DLGAP1: variants seen among roughly 807,000 people sequenced by gnomAD.
DLGAP1 encodes the protein DLG associated protein 1.
Under a neutral mutation model 90.8 loss-of-function variants are expected in DLGAP1, and 11 were observed. That is an observed-to-expected ratio of 0.12 (90% CI 0.08 to 0.20). DLGAP1 has a LOEUF of 0.20. DLGAP1 is among the 10% of genes least tolerant of loss of function. The pLI is 1.00. For missense variants in DLGAP1, 1,050 were observed against 1,333.8 expected (o/e 0.79, Z 3.31); for synonymous variants, 558 against 540.7 (o/e 1.03, Z -0.44).
intron 1 of DLGAP1, among the ~76,000 whole-genome samples, chr18:4,411,444 G>A (rs1289663027): frequency 6.6e-6 from 1 of 152,124 alleles, no homozygotes; most frequent in East Asian, 1.9e-4. Context: ...TCTTGCTTAG[G>A]GTATAGCGGG....
rs545753852 is a variant in DLGAP1 at position 4,092,577 on chromosome 18, T to C, written c.-159+58603A>G. Among the ~76,000 whole-genome samples, 138 of 152,264 alleles carry C rather than the reference T, an allele frequency of 9.1e-4. 1 individual carries two copies. The highest frequency in any genetic ancestry group is 2.7e-3 in the African/African-American group (111 of 41,560). ...ACCCAGGTATGGAGATTGTTTTTTT[T>C]CCTTGTATTCTTTCCTTAACCAAAA... is the stretch of plus-strand genomic sequence containing the variant. On this transcript the variant is annotated intron_variant, in intron 2 of 12. Coordinates refer to ENST00000315677, the MANE Select transcript of DLGAP1 (RefSeq NM_004746.4).
intron 2 of DLGAP1, among the ~76,000 whole-genome samples, chr18:4,008,435 A>G (rs1430701917): frequency 1.3e-5 from 2 of 152,202 alleles, no homozygotes; most frequent in African/African-American, 4.8e-5. Context: ...TTATCTTTGA[A>G]TCCAAGCAGG....
chr18:4,143,769 G>A (rs531819086), intron 2 of DLGAP1, among the ~76,000 whole-genome samples: 35 of 152,254 alleles, frequency 2.3e-4, no homozygotes, highest in African/African-American at 8.4e-4. Flanking sequence ...CAAGGCCCAT[G>A]GCAAGTGCTG....
intron 5 of DLGAP1, among the ~76,000 whole-genome samples, chr18:3,799,068 G>A (rs919279465): frequency 4.6e-5 from 7 of 152,000 alleles, no homozygotes; most frequent in East Asian, 1.9e-4. Flanking sequence ...CAGACGGGGG[G>A]TTTTCACCAA....
chr18:4,037,770 G>A (rs576273237), intron 2 of DLGAP1, among the ~76,000 whole-genome samples: 16 of 152,134 alleles, frequency 1.1e-4, no homozygotes, highest in Non-Finnish European at 2.1e-4. Context: ...GACCAGCCTG[G>A]CCAACATAGT....
chr18:4,350,676 C>T (rs2081386509), intron 1 of DLGAP1, among the ~76,000 whole-genome samples: 1 of 152,116 alleles, frequency 6.6e-6, no homozygotes, highest in South Asian at 2.1e-4. Context: ...TCCCCTAGAA[C>T]TTTAATAGAA....
In DLGAP1 at chr18:3,508,658, A is replaced by G; in HGVS notation, c.2483T>C (p.Leu828Pro). 6.2e-7 allele frequency: 1 copy of G among 1,612,582 alleles called. No individual in the cohort carries two copies. Among genetic ancestry groups the G allele is most frequent in the Non-Finnish European group, 8.5e-7 (1 of 1,179,016 alleles). The change falls in exon 11 of 13, where the codon CTA (leucine) becomes CCA (proline). Residue 828 changes from leucine (L) to proline (P), a missense_variant. By Grantham distance (98) the Leu-to-Pro change is moderately conservative. This residue lies in a region of DLGAP1 where 565 missense variants were observed against 879.7 expected (regional missense o/e 0.64). Transcript: ENST00000315677. Reference sequence around the variant, plus strand: ...GCCCACTGCGGTTCGGATTTTTCCTAGAACTGGAAAGAGCAAACATACGAG... The same window carrying G: ...GCCCACTGCGGTTCGGATTTTTCCTGGAACTGGAAAGAGCAAACATACGAG... The part of the protein sequence containing the change: ...ERENNLPEDI[L>P]GKIRTAVGSA...
At chr18:3,787,307 C>T (rs1424897277) in intron 5 of DLGAP1, among the ~76,000 whole-genome samples, 1 of 151,646 alleles carries the variant, frequency 6.6e-6, no homozygotes, top group Non-Finnish European at 1.5e-5. Context: ...TATGGTGAAA[C>T]CCCGTCTCTA....
intron 3 of DLGAP1, among the ~76,000 whole-genome samples, chr18:3,909,773 G>T (rs2071992303): frequency 6.6e-6 from 1 of 152,070 alleles, no homozygotes. Context: ...CATCTTAAAA[G>T]ACACTTTCAA....
At chr18:4,006,023 A>G (rs141180999) in intron 2 of DLGAP1, among the ~76,000 whole-genome samples, 66 of 152,300 alleles carry the variant, frequency 4.3e-4, no homozygotes, top group African/African-American at 1.5e-3. Flanking sequence ...TACTGATTAC[A>G]TTGGTATTCC....
At chr18:3,639,787 C>T (rs2058861548) in intron 7 of DLGAP1, among the ~76,000 whole-genome samples, 1 of 120,720 alleles carries the variant, frequency 8.3e-6, no homozygotes, top group Admixed American at 8.5e-5. Flanking sequence ...CAGAGTCTTG[C>T]TCTGTCGCCC....
At chr18:3,677,157 CT>C (rs1347642198) in intron 7 of DLGAP1, among the ~76,000 whole-genome samples, 1 of 152,230 alleles carries the variant, frequency 6.6e-6, no homozygotes, top group Non-Finnish European at 1.5e-5. Flanking sequence ...CTTCAAGACT[CT>C]TTATCTCCAG....
At chr18:4,183,444 T>C (rs747648866) in intron 1 of DLGAP1, among the ~76,000 whole-genome samples, 59 of 152,294 alleles carry the variant, frequency 3.9e-4, no homozygotes, top group Non-Finnish European at 2.4e-4. Flanking sequence ...TCTCTATATA[T>C]GTCTATCAAA....
intron 2 of DLGAP1, among the ~76,000 whole-genome samples, chr18:4,146,624 C>A (rs532965093): frequency 6.6e-6 from 1 of 152,014 alleles, no homozygotes; most frequent in African/African-American, 2.4e-5. Context: ...GGGGCTAGGA[C>A]ATTTATGTTT....
At chr18:3,906,586 C>G (rs531878718) in intron 3 of DLGAP1, among the ~76,000 whole-genome samples, 37 of 152,164 alleles carry the variant, frequency 2.4e-4, no homozygotes, top group African/African-American at 8.7e-4. Context: ...TTAAATGTTA[C>G]AAAAAGTGCT....
chr18:3,599,874 C>T (rs1021479425), intron 7 of DLGAP1, among the ~76,000 whole-genome samples: 1 of 151,812 alleles, frequency 6.6e-6, no homozygotes, highest in Non-Finnish European at 1.5e-5. Flanking sequence ...ACCTCGGCCT[C>T]CCAAAATGTT....
rs192031710 is a variant in DLGAP1, at chr18:4,032,372, C to T, written c.-158-27171G>A. Reference sequence around the variant, plus strand: ...GAGAAAACCAGTGTTTTACAGTGCACCATTAGCAAACAGTGCATTAAGCAC... The same window carrying T: ...GAGAAAACCAGTGTTTTACAGTGCATCATTAGCAAACAGTGCATTAAGCAC... On this transcript the variant is annotated intron_variant, in intron 2 of 12. Transcript: ENST00000315677. Among the ~76,000 whole-genome samples the T allele has an allele frequency of 2.6e-5, 4 of 152,240 alleles. No homozygotes were observed. In the East Asian group the frequency reaches 7.7e-4, roughly 29 times the overall value.
chr18:3,944,787 A>G (rs1427120526), intron 3 of DLGAP1, among the ~76,000 whole-genome samples: 1 of 152,198 alleles, frequency 6.6e-6, no homozygotes, highest in Admixed American at 6.5e-5. Context: ...CTGTACTTCT[A>G]TCTTGGGCCT....
chr18:3,552,375 T>C (rs931522893), intron 9 of DLGAP1, among the ~76,000 whole-genome samples: 1 of 152,240 alleles, frequency 6.6e-6, no homozygotes, highest in African/African-American at 2.4e-5. Flanking sequence ...TAGAAGTCTA[T>C]GCTTTTGGGA....
Sources: allele counts gnomAD v4.1 joint callset (sites outside exome capture counted in the v4.1 genomes callset), GRCh38; gene constraint gnomAD v4.1.1; regional missense constraint gnomAD v4.1.1; transcripts MANE v1.5; gene names NCBI Gene and HGNC (gene_info 2026-07-23, HGNC 2026-07-21).